Variants in ACYP2 observed in about 807,000 individuals in gnomAD.
ACYP2 encodes acylphosphatase-2.
In ACYP2, 12 loss-of-function variants were observed where a neutral mutation model predicts 11.2. The ratio of observed to expected loss-of-function variants is 1.08; its 90% CI spans 0.69 to 1.74. ACYP2 has a LOEUF of 1.74. ACYP2 is among the 40% of genes most tolerant of loss of function. The pLI is 0.00. For synonymous variants in ACYP2, 43 were observed against 32.2 expected (o/e 1.33, Z -1.13); for missense variants, 134 against 101.9 (o/e 1.31, Z -1.35).
chr2:54,157,990 A>G (rs1682510131), intron 6 of ACYP2, among the ~76,000 whole-genome samples: 1 of 152,132 alleles, frequency 6.6e-6, no homozygotes, highest in African/African-American at 2.4e-5. Context: ...AGGAAAACCA[A>G]CTAAAAGTTG....
At chr2:53,979,934 C>T (rs1015598515) in intron 2 of ACYP2, among the ~76,000 whole-genome samples, 1 of 152,058 alleles carries the variant, frequency 6.6e-6, no homozygotes, top group Non-Finnish European at 1.5e-5. Context: ...TCAAGTGATC[C>T]ACCCGCCTTG....
chr2:54,023,537 T>G (rs1008301189), intron 2 of ACYP2, among the ~76,000 whole-genome samples: 2 of 152,178 alleles, frequency 1.3e-5, no homozygotes, highest in Non-Finnish European at 2.9e-5. Context: ...TTTCCAGTCT[T>G]TTACATTTTA....
At chr2:54,224,606 A>G (rs933507790) in intron 6 of ACYP2, among the ~76,000 whole-genome samples, 2 of 152,246 alleles carry the variant, frequency 1.3e-5, no homozygotes, top group African/African-American at 4.8e-5. Flanking sequence ...AAAGGAAAGC[A>G]TGCCAAACAG....
intron 2 of ACYP2, among the ~76,000 whole-genome samples, chr2:53,979,575 C>T (rs1483257865): frequency 1.3e-5 from 2 of 150,094 alleles, no homozygotes; most frequent in East Asian, 2.0e-4. Context: ...TGCAGTGAGC[C>T]GAGATTGTGC....
At chr2:53,978,531 T>C (rs770811013) in intron 2 of ACYP2, among the ~76,000 whole-genome samples, 7 of 152,148 alleles carry the variant, frequency 4.6e-5, no homozygotes, top group African/African-American at 1.7e-4. Flanking sequence ...CACAAGGCAG[T>C]ACTCACATGT....
At chr2:54,169,512 C>T (rs1683140880) in intron 6 of ACYP2, among the ~76,000 whole-genome samples, 1 of 151,910 alleles carries the variant, frequency 6.6e-6, no homozygotes, top group Non-Finnish European at 1.5e-5. Flanking sequence ...TGGCCTCATG[C>T]AACCCTCCTG....
At chr2:54,123,473 C>G in intron 4 of ACYP2, 1 of 398,478 alleles carries the variant, frequency 2.5e-6, no homozygotes, top group Non-Finnish European at 4.4e-6. Context: ...GTGGCATTAA[C>G]AAAATTGAGA....
intron 4 of ACYP2, among the ~76,000 whole-genome samples, chr2:54,112,341 T>C (rs1489202395): frequency 6.6e-6 from 1 of 152,218 alleles, no homozygotes; most frequent in African/African-American, 2.4e-5. Context: ...TCATGCATTG[T>C]ACGTGAAGGA....
chr2:54,090,775 C>A (rs1166322301), intron 4 of ACYP2, among the ~76,000 whole-genome samples: 2 of 152,184 alleles, frequency 1.3e-5, no homozygotes, highest in Non-Finnish European at 2.9e-5. Context: ...CTTATCAAAT[C>A]CCTCAACTCT....
At chr2:54,119,352 G>T (rs1558542534) in intron 4 of ACYP2, among the ~76,000 whole-genome samples, 1 of 151,822 alleles carries the variant, frequency 6.6e-6, no homozygotes. Context: ...CCACTAGCCT[G>T]GGCAACAGAG....
chr2:54,219,879 GTGTATATA>G (rs1685719549), intron 6 of ACYP2, among the ~76,000 whole-genome samples: 1 of 54,416 alleles, frequency 1.8e-5, no homozygotes, highest in Admixed American at 1.8e-4. Flanking sequence ...GTGTGTGTGT[GTGTATATA>G]TATATATATA....
At chr2:54,045,258 C>T (rs1260894055) in intron 2 of ACYP2, among the ~76,000 whole-genome samples, 2 of 152,134 alleles carry the variant, frequency 1.3e-5, no homozygotes, top group Middle Eastern at 3.2e-3. Context: ...CTCCACGATC[C>T]CCTTAAAAAC....
intron 6 of ACYP2, chr2:54,167,002 A>G (rs539021999): frequency 6.9e-6 from 1 of 143,924 alleles, no homozygotes; most frequent in Non-Finnish European, 1.5e-5. Flanking sequence ...AAAAGCTGTA[A>G]CTTTTTTTTT....
intron 2 of ACYP2, among the ~76,000 whole-genome samples, chr2:53,989,506 A>C (rs1217181714): frequency 1.3e-5 from 2 of 151,898 alleles, no homozygotes; most frequent in Non-Finnish European, 2.9e-5. Context: ...ATCATAATGG[A>C]CATCTGTAAT....
intron 6 of ACYP2, among the ~76,000 whole-genome samples, chr2:54,197,459 A>G (rs1350380704): frequency 6.6e-6 from 1 of 152,170 alleles, no homozygotes; most frequent in Non-Finnish European, 1.5e-5. Context: ...GCTTTTGAGG[A>G]GCTTATAGTC....
intron 4 of ACYP2, among the ~76,000 whole-genome samples, chr2:54,091,779 G>A (rs1377349175): frequency 1.3e-5 from 2 of 151,926 alleles, no homozygotes; most frequent in African/African-American, 2.4e-5. Context: ...CCCAAAGTGC[G>A]GGGATTACAA....
intron 6 of ACYP2, among the ~76,000 whole-genome samples, chr2:54,297,490 C>A (rs1273353079): frequency 6.6e-6 from 1 of 151,894 alleles, no homozygotes; most frequent in Non-Finnish European, 1.5e-5. Flanking sequence ...AAAGTGAGAC[C>A]CCCATCTCAA....
At chr2:54,073,097 A>G (rs887241008) in intron 4 of ACYP2, among the ~76,000 whole-genome samples, 1 of 152,236 alleles carries the variant, frequency 6.6e-6, no homozygotes, top group Non-Finnish European at 1.5e-5. Context: ...TTTACAGTCA[A>G]TTGATTTTTT....
rs1272362130 is a variant in ACYP2, at chr2:54,201,606, T to TTC, written c.404+62860_404+62861dup. On this transcript the variant is annotated intron_variant, in intron 6 of 6. Transcript: ENST00000607452. ...TTTTTCTTTCTTTCTCTTTCTTTCTTTCTTTCTTTCTTTCTTTGTTTCTTT... is the reference window on the plus strand; with the variant it reads ...TTTTTCTTTCTTTCTCTTTCTTTCTTTCTCTTTCTTTCTTTCTTTGTTTCTTT... Among the ~76,000 whole-genome samples the TTC allele has an allele frequency of 3.5e-5, 3 of 86,074 alleles. No individual in the cohort carries two copies. The South Asian group carries it at 2.0e-3, about 56-fold the overall frequency. The allele number at this position is 86,074 out of a possible 152,430, so 56.5% of individuals were successfully genotyped here.
Sources: allele counts gnomAD v4.1 joint callset (sites outside exome capture counted in the v4.1 genomes callset), GRCh38; gene constraint gnomAD v4.1.1; transcripts MANE v1.5; gene names NCBI Gene and HGNC (gene_info 2026-07-23, HGNC 2026-07-21).